Variants in GPHN observed in about 807,000 individuals in gnomAD.
The protein encoded by GPHN is gephyrin.
GPHN carries 17 observed loss-of-function variants against 95.5 expected under a neutral mutation model. The observed-to-expected ratio is 0.18, with a 90% CI of 0.12 to 0.27. GPHN has a LOEUF of 0.27. Ranked by LOEUF, GPHN falls within the 10% of genes least tolerant of loss-of-function variation. GPHN has a pLI of 1.00. For synonymous variants in GPHN, 320 were observed against 322.5 expected, an observed-to-expected ratio of 0.99 and a Z score of 0.08; for missense variants, 660 against 978.1, an observed-to-expected ratio of 0.67 and a Z score of 4.34.
chr14:67,295,686 A>G, the GPHN span, among the ~76,000 whole-genome samples: 3 of 152,338 alleles, frequency 2.0e-5, no homozygotes, highest in Admixed American at 6.5e-5. Flanking sequence ...CAGAATGACA[A>G]TGATTACAAT....
intron 1 of GPHN, among the ~76,000 whole-genome samples, chr14:66,641,480 A>T (rs932965928): frequency 2.6e-5 from 4 of 152,198 alleles, no homozygotes; most frequent in African/African-American, 9.6e-5. Flanking sequence ...ATAAAAGGGT[A>T]ATTGTATCAG....
the GPHN span, chr14:67,571,784 GGAC>G: frequency 6.2e-6 from 10 of 1,613,816 alleles, no homozygotes; most frequent in Admixed American, 3.3e-5. Context: ...TGCCCTTTAT[GGAC>G]GAGTCCTCTG....
the GPHN span, among the ~76,000 whole-genome samples, chr14:67,370,269 T>G: frequency 6.6e-6 from 1 of 152,210 alleles, no homozygotes; most frequent in African/African-American, 2.4e-5. Context: ...GCTGCAGAGA[T>G]TTTGTTTATG....
chr14:67,646,668 T>C, the GPHN span: 5 of 1,613,348 alleles, frequency 3.1e-6, no homozygotes, highest in Non-Finnish European at 4.2e-6. Context: ...AGGATTTTCC[T>C]GGATCAAACC....
the GPHN span, chr14:67,692,670 C>A: frequency 3.6e-5 from 53 of 1,487,510 alleles, 1 homozygote; most frequent in South Asian, 7.1e-4. Flanking sequence ...TTATTTCCAA[C>A]ATTTTTTTAA....
At chr14:66,990,867 A>G (rs2071369124) in intron 9 of GPHN, among the ~76,000 whole-genome samples, 1 of 151,686 alleles carries the variant, frequency 6.6e-6, no homozygotes, top group Non-Finnish European at 1.5e-5. Context: ...ATAAAAATTA[A>G]AATATTTTAA....
intron 17 of GPHN, among the ~76,000 whole-genome samples, chr14:67,135,730 C>A (rs2080039714): frequency 6.6e-6 from 1 of 151,826 alleles, no homozygotes; most frequent in African/African-American, 2.4e-5. Flanking sequence ...ACTTAGTAAA[C>A]CTTTTCAATT....
At chr14:67,701,436 T>C in the GPHN span, among the ~76,000 whole-genome samples, 1 of 144,736 alleles carries the variant, frequency 6.9e-6, no homozygotes, top group Non-Finnish European at 1.5e-5. Flanking sequence ...TTTTTTTTTT[T>C]TTTTTTTTTT....
the GPHN span, chr14:67,585,606 G>T: frequency 6.3e-7 from 1 of 1,585,530 alleles, no homozygotes; most frequent in Non-Finnish European, 8.6e-7. Flanking sequence ...CTCTGGTGTG[G>T]ATTGCTGTGA....
At chr14:67,205,897 A>T in the GPHN span, among the ~76,000 whole-genome samples, 1 of 152,172 alleles carries the variant, frequency 6.6e-6, no homozygotes, top group Admixed American at 6.5e-5. Context: ...TCCACAATAG[A>T]AAAAAGTCTG....
rs566475609 is a variant in GPHN, at chr14:66,599,820, CAT to C, written c.65-81286_65-81285del. The stretch of plus-strand genomic sequence containing the variant: ...GCTGGCTAATTGGGAAGTACAGACA[CAT>C]GTGTATATCTATATATCTGTATATC... On this transcript the variant is annotated intron_variant, in intron 1 of 22. Transcript: ENST00000478722. Among the ~76,000 whole-genome samples the C allele has an allele frequency of 2.8e-4, 42 of 152,044 alleles. No individual in the cohort carries two copies. The South Asian group carries it at 2.9e-3, about 11-fold the overall frequency.
chr14:66,776,404 C>T (rs756532007), intron 2 of GPHN, 60 bp from the exon 3 acceptor site: 1 of 999,140 alleles, frequency 1.0e-6, no homozygotes, highest in African/African-American at 1.6e-5. Context: ...TGGCAGAAAT[C>T]TTTCATACAT....
intron 1 of GPHN, among the ~76,000 whole-genome samples, chr14:66,657,504 A>T (rs1449690031): frequency 1.3e-5 from 2 of 152,206 alleles, no homozygotes; most frequent in Admixed American, 6.5e-5. Flanking sequence ...ATAGCTAGAG[A>T]TAAGATATCA....
At chr14:66,615,585 T>A (rs2062976488) in intron 1 of GPHN, among the ~76,000 whole-genome samples, 2 of 152,048 alleles carry the variant, frequency 1.3e-5, no homozygotes, top group Admixed American at 6.5e-5. Context: ...CTTGTAAATT[T>A]GTTTAAGTTC....
chr14:67,268,480 C>T, the GPHN span, among the ~76,000 whole-genome samples: 7 of 152,028 alleles, frequency 4.6e-5, no homozygotes, highest in East Asian at 3.8e-4. Flanking sequence ...GGCAGAACAC[C>T]GACATGTTAC....
chr14:67,486,433 C>CCCAGCTAATTTTTGTATTTTTAGTA, the GPHN span, among the ~76,000 whole-genome samples: 1 of 152,210 alleles, frequency 6.6e-6, no homozygotes, highest in Non-Finnish European at 1.5e-5. Context: ...TGCCACAATG[C>CCCAGCTAATTTTTGTATTTTTAGTA]CCAGCTAATT....
the GPHN span, among the ~76,000 whole-genome samples, chr14:67,704,149 A>G: frequency 6.6e-6 from 1 of 152,098 alleles, no homozygotes; most frequent in African/African-American, 2.4e-5. Context: ...TGAGGGAAGG[A>G]AATGTGTGTA....
At position 66,682,618 on chromosome 14, in the gene GPHN, C is replaced by T. The variant is rs543623503; in HGVS notation, c.143+1433C>T. 2.0e-5 allele frequency among the ~76,000 whole-genome samples: 3 copies of T among 152,224 alleles called. No individual in the cohort carries two copies. In the South Asian group the frequency reaches 6.2e-4, roughly 32 times the overall value. On this transcript the variant is annotated intron_variant, in intron 2 of 22. Coordinates refer to ENST00000478722, the MANE Select transcript of GPHN (RefSeq NM_020806.5). ...TACAAAAATTAGCTAGGCGTGGTGG[C>T]ATGTGCCTGTAGTCCCAGCTACTTG...
At chr14:67,213,129 C>A in the GPHN span, among the ~76,000 whole-genome samples, 1 of 146,712 alleles carries the variant, frequency 6.8e-6, no homozygotes, top group East Asian at 2.0e-4. Context: ...GATAGCTGTT[C>A]TGCATGTAGA....
Sources: allele counts gnomAD v4.1 joint callset (sites outside exome capture counted in the v4.1 genomes callset), GRCh38; gene constraint gnomAD v4.1.1; transcripts MANE v1.5; gene names NCBI Gene and HGNC (gene_info 2026-07-23, HGNC 2026-07-21).